MRI1: variants seen among roughly 807,000 people sequenced by gnomAD.
MRI1 encodes the protein methylthioribose-1-phosphate isomerase 1.
A neutral mutation model predicts 27.3 loss-of-function variants in MRI1; 32 were observed. The observed-to-expected ratio is 1.17, with a 90% CI of 0.88 to 1.57. MRI1 has a LOEUF of 1.57. Ranked by LOEUF, MRI1 falls within the 40% of genes most tolerant of loss-of-function variation. The pLI is 0.00. For synonymous variants in MRI1, 216 were observed against 227.4 expected, an observed-to-expected ratio of 0.95 and a Z score of 0.45; for missense variants, 508 against 516.1, an observed-to-expected ratio of 0.98 and a Z score of 0.15.
intron 3 of MRI1, among the ~76,000 whole-genome samples, chr19:13,767,284 C>T (rs993967084): frequency 1.3e-5 from 2 of 151,646 alleles, no homozygotes; most frequent in Admixed American, 6.6e-5. Context: ...TGACCTTAGG[C>T]GGTCCGCCAG....
rs346152 is a variant in MRI1, at chr19:13,768,808, T to C, written c.725-16T>C. The C allele has an allele frequency of 0.45, 711,789 of 1,592,568 alleles. 169,102 individuals carry two copies. Among genetic ancestry groups the C allele is most frequent in the African/African-American group, 0.85 (63,733 of 74,664 alleles). ...CCAGGTAATGACCCCCAACTTCTCA[T>C]ACGCCCCCTCCCCAGCTGTGGTCGT... On this transcript the variant is annotated splice_polypyrimidine_tract_variant and intron_variant, in intron 4 of 5. Coordinates refer to ENST00000040663, the MANE Select transcript of MRI1 (RefSeq NM_001031727.4).
chr19:13,765,783 C>T (rs1056253604), intron 2 of MRI1, among the ~76,000 whole-genome samples, 171 bp from the exon 3 acceptor site: 1 of 152,200 alleles, frequency 6.6e-6, no homozygotes, highest in African/African-American at 2.4e-5. Flanking sequence ...CATGTCTTTG[C>T]ATGAATGAAC....
chr19:13,769,138 C>G (rs1411836217), intron 5 of MRI1, 90 bp downstream of exon 5: 3 of 1,078,392 alleles, frequency 2.8e-6, no homozygotes, highest in African/African-American at 3.2e-5. Context: ...CCTTCTGGAA[C>G]ATACACAGCT....
chr19:13,767,326 C>A (rs1351003317), intron 3 of MRI1, among the ~76,000 whole-genome samples: 1 of 151,910 alleles, frequency 6.6e-6, no homozygotes, highest in Admixed American at 6.6e-5. Flanking sequence ...GGATTACAGA[C>A]GTAAGCCACA....
chr19:13,766,755 A>G (rs1057468720), intron 3 of MRI1, among the ~76,000 whole-genome samples: 4 of 151,982 alleles, frequency 2.6e-5, no homozygotes, highest in Admixed American at 2.6e-4. Context: ...CTCACCCAGC[A>G]TTTAGTAAGC....
At chr19:13,765,759 A>G (rs1489289264) in intron 2 of MRI1, among the ~76,000 whole-genome samples, 195 bp from the exon 3 acceptor site, 3 of 152,176 alleles carry the variant, frequency 2.0e-5, no homozygotes, top group Non-Finnish European at 4.4e-5. Flanking sequence ...GTCATACCGG[A>G]ACTGCTTGGT....
intron 5 of MRI1, among the ~76,000 whole-genome samples, chr19:13,769,788 C>T (rs190268530): frequency 9.2e-4 from 140 of 151,908 alleles, no homozygotes; most frequent in Admixed American, 1.5e-3. Flanking sequence ...GACATGGTGG[C>T]ACCCGCCTGT....
intron 5 of MRI1, among the ~76,000 whole-genome samples, chr19:13,769,794 C>T (rs1195707285): frequency 1.3e-5 from 2 of 151,878 alleles, no homozygotes; most frequent in Non-Finnish European, 2.9e-5. Flanking sequence ...GTGGCACCCG[C>T]CTGTAGTCCC....
intron 2 of MRI1, among the ~76,000 whole-genome samples, chr19:13,765,535 C>G (rs1974103222): frequency 1.3e-5 from 2 of 152,198 alleles, no homozygotes; most frequent in African/African-American, 2.4e-5. Context: ...CCACCAAGCT[C>G]GAGCCTGCCT....
chr19:13,765,993 C>CA lies in MRI1; in HGVS notation c.412dup (p.Arg138LysfsTer32), dbSNP rs1491171951. On this transcript the variant is annotated frameshift_variant, in exon 3 of 6. Coordinates refer to ENST00000040663, the MANE Select transcript of MRI1 (RefSeq NM_001031727.4). LOFTEE classifies it high-confidence loss of function. ...CCGAGGACATGCTGGAGAAAGACCT[C>CA]AGAGACAACCGAAGCATTGGGGACC... The CA allele has an allele frequency of 4.3e-6, 7 of 1,611,976 alleles. No individual in the cohort carries two copies. The Admixed American group carries it at 1.2e-4, about 27-fold the overall frequency.
At chr19:13,768,444 C>A in intron 3 of MRI1, 117 bp from the exon 4 acceptor site, 1 of 1,560,866 alleles carries the variant, frequency 6.4e-7, no homozygotes, top group Non-Finnish European at 8.7e-7. Context: ...CGGGACTGTG[C>A]TCGGTAAGCC....
rs542198141 is a variant in MRI1 at position 13,771,187 on chromosome 19, G to A, written c.950-934G>A. Among the ~76,000 whole-genome samples the A allele has an allele frequency of 2.2e-4, 33 of 149,830 alleles. No individual in the cohort carries two copies. In the South Asian group the frequency reaches 4.8e-3, roughly 22 times the overall value. On this transcript the variant is annotated intron_variant, in intron 5 of 5. Transcript: ENST00000040663. ...AGCCTGGCCAATGTGGTGAAACCCC[G>A]TCTCTACTAAAAATACAAAAAAAAA...
intron 1 of MRI1, 51 bp downstream of exon 1, chr19:13,764,771 G>T: frequency 1.1e-6 from 1 of 948,640 alleles, no homozygotes; most frequent in South Asian, 3.8e-5. Context: ...GGGCGGCGGG[G>T]CGGCGGGGCG....
intron 2 of MRI1, 124 bp downstream of exon 2, chr19:13,765,233 C>T (rs184235311): frequency 7.9e-4 from 620 of 784,214 alleles, no homozygotes; most frequent in Non-Finnish European, 9.8e-4. Context: ...TTGTCCAGGG[C>T]CCCACAGATG....
intron 3 of MRI1, among the ~76,000 whole-genome samples, chr19:13,768,026 G>A (rs1038860142): frequency 1.7e-4 from 26 of 151,646 alleles, no homozygotes; most frequent in Admixed American, 1.4e-3. Flanking sequence ...CCGCCACCAC[G>A]CCCGGCTAAT....
chr19:13,768,430 T>A (rs1302879307), intron 3 of MRI1, 131 bp from the exon 4 acceptor site: 2 of 1,554,218 alleles, frequency 1.3e-6, no homozygotes, highest in Admixed American at 3.9e-5. Flanking sequence ...CGAGGGCCCC[T>A]GGGCGGGACT....
At chr19:13,769,880 A>G (rs146901385) in intron 5 of MRI1, among the ~76,000 whole-genome samples, 3,580 of 151,872 alleles carry the variant, frequency 0.024, 146 homozygotes, top group African/African-American at 0.082. Context: ...AGATTACACC[A>G]TTGCACTCCA....
At position 13,773,646 on chromosome 19, in the gene MRI1, AT is replaced by A. The variant is rs1974318784; in HGVS notation, c.*1366del. 7.6e-6 allele frequency: 1 copy of A among 131,580 alleles called. No homozygotes were observed. Among genetic ancestry groups the A allele is most frequent in the African/African-American group, 3.6e-5 (1 of 27,720 alleles). The allele number at this position is 131,580 out of a possible 1,614,324, so 8.2% of individuals were successfully genotyped here. A position where few individuals can be genotyped will look rare whatever the true frequency, so the allele number is the denominator to read the frequency against. ...CCCATCTCTTTAAAAAAAAAAAAAA[AT>A]CCATGATGAACAAAACAAGTATTTG... On this transcript the variant is annotated 3_prime_UTR_variant, in exon 6 of 6. Coordinates refer to ENST00000040663, the MANE Select transcript of MRI1 (RefSeq NM_001031727.4).
chr19:13,766,200 C>A, intron 3 of MRI1, 71 bp downstream of exon 3: 4 of 1,371,250 alleles, frequency 2.9e-6, no homozygotes, highest in South Asian at 3.0e-5. Context: ...GAAAGAATCC[C>A]AAACCCAAAC....
Sources: gnomAD v4.1 joint callset for allele counts (sites outside exome capture counted in the v4.1 genomes callset) on GRCh38, gnomAD v4.1.1 for gene constraint, MANE v1.5 for transcripts, NCBI Gene and HGNC (gene_info 2026-07-23, HGNC 2026-07-21) for gene names.